The following ZNF148 variants were observed in gnomAD, a reference collection of about 807,000 sequenced individuals.
ZNF148 encodes Beta-Enolase Repressor Factor-1.
A neutral mutation model predicts 67.7 loss-of-function variants in ZNF148; 7 were observed. That is an observed-to-expected ratio of 0.10 (90% CI 0.06 to 0.19). The LOEUF is 0.19. Ranked by LOEUF, ZNF148 falls within the 10% of genes least tolerant of loss-of-function variation. The pLI, the probability that ZNF148 is intolerant of heterozygous loss-of-function variation, is 1.00. For synonymous variants in ZNF148, 333 were observed against 330.7 expected (o/e 1.01, Z -0.08); for missense variants, 583 against 947.1 (o/e 0.62, Z 5.05).
intron 1 of ZNF148, among the ~76,000 whole-genome samples, chr3:125,337,016 CAAAAA>C (rs1296364662): frequency 2.6e-5 from 3 of 115,374 alleles, no homozygotes; most frequent in African/African-American, 6.2e-5. Context: ...TCTACTCTCA[CAAAAA>C]AAAAAAAAAA....
chr3:125,361,944 A>T (rs1942556661), intron 1 of ZNF148, among the ~76,000 whole-genome samples: 1 of 152,098 alleles, frequency 6.6e-6, no homozygotes, highest in Admixed American at 6.5e-5. Flanking sequence ...CTTTACCTCC[A>T]CTTGGCTTTA....
At position 125,230,694 on chromosome 3, in the gene ZNF148, C is replaced by G. The variant is rs1459149306; in HGVS notation, c.*1647G>C. On this transcript the variant is annotated 3_prime_UTR_variant, in exon 9 of 9. Coordinates refer to ENST00000360647, the MANE Select transcript of ZNF148 (RefSeq NM_021964.3). The stretch of plus-strand genomic sequence containing the variant: ...CTATATTGAAACAAAGACTGCAGAG[C>G]TATAGGGCCAGTATAAGAGTCAAAA... 6.6e-6 allele frequency: 1 copy of G among 152,232 alleles called. No homozygotes were observed. The highest frequency in any genetic ancestry group is 1.5e-5 in the Non-Finnish European group (1 of 67,908). 9.4% of individuals were successfully genotyped at this position (152,232 alleles called of 1,614,324 possible). A position where few individuals can be genotyped will look rare whatever the true frequency, so the allele number is the denominator to read the frequency against.
chr3:125,269,658 C>T (rs754213642), intron 7 of ZNF148, among the ~76,000 whole-genome samples: 10 of 152,156 alleles, frequency 6.6e-5, no homozygotes, highest in Admixed American at 2.6e-4. Flanking sequence ...TGCACTCATA[C>T]GTTTATGGCA....
chr3:125,369,133 G>T (rs1270403470), intron 1 of ZNF148, among the ~76,000 whole-genome samples: 1 of 150,500 alleles, frequency 6.6e-6, no homozygotes. Flanking sequence ...GTGCTGGTGT[G>T]TGCCTCTAGT....
At position 125,310,833 on chromosome 3, in the gene ZNF148, G is replaced by A. The variant is rs949283001; in HGVS notation, c.333+2475C>T. The A allele has an allele frequency of 2.7e-4, 46 of 172,984 alleles. 1 individual carries two copies. The highest frequency in any genetic ancestry group is 7.7e-4 in the Middle Eastern group (1 of 1,302). The allele number at this position is 172,984 out of a possible 1,614,324, so 10.7% of individuals were successfully genotyped here. On this transcript the variant is annotated intron_variant, in intron 4 of 8. Transcript: ENST00000360647. ...TCAATATAGTTTGCACTACTAAAAT[G>A]GACACTTAAAAATTGTTGCTCTCTC... is the stretch of plus-strand genomic sequence containing the variant.
intron 7 of ZNF148, among the ~76,000 whole-genome samples, chr3:125,262,973 A>C (rs1937407253): frequency 6.6e-6 from 1 of 152,256 alleles, no homozygotes; most frequent in Non-Finnish European, 1.5e-5. Context: ...GTTCAACTAA[A>C]CTATTCTGTT....
chr3:125,373,382 C>T (rs577863554), intron 1 of ZNF148, among the ~76,000 whole-genome samples: 18 of 151,888 alleles, frequency 1.2e-4, no homozygotes, highest in East Asian at 1.2e-3. Flanking sequence ...TGAGCCACCG[C>T]GCCCAGCTGT....
intron 1 of ZNF148, among the ~76,000 whole-genome samples, chr3:125,348,700 G>A (rs1411592196): frequency 2.6e-5 from 4 of 152,122 alleles, no homozygotes; most frequent in African/African-American, 7.2e-5. Flanking sequence ...GATTCAATAC[G>A]ATCTCAATGA....
intron 4 of ZNF148, among the ~76,000 whole-genome samples, chr3:125,293,419 C>A (rs1316206051): frequency 6.6e-6 from 1 of 152,158 alleles, no homozygotes; most frequent in African/African-American, 2.4e-5. Flanking sequence ...CGACACCCAA[C>A]ACACCTAGCA....
At chr3:125,373,960 GC>G (rs1482653081) in intron 1 of ZNF148, among the ~76,000 whole-genome samples, 5 of 152,194 alleles carry the variant, frequency 3.3e-5, no homozygotes, top group Admixed American at 6.5e-5. Flanking sequence ...GATAAACTGG[GC>G]AGTGAAGAAA....
At chr3:125,321,137 G>A (rs149750450) in intron 3 of ZNF148, among the ~76,000 whole-genome samples, 1 of 152,118 alleles carries the variant, frequency 6.6e-6, no homozygotes, top group Non-Finnish European at 1.5e-5. Context: ...GACCTCTTCA[G>A]ATATACCTCT....
chr3:125,260,744 G>C (rs1299253875), intron 7 of ZNF148, among the ~76,000 whole-genome samples: 3 of 152,128 alleles, frequency 2.0e-5, no homozygotes, highest in Non-Finnish European at 4.4e-5. Flanking sequence ...AAAGCTTATT[G>C]TATGTAAATT....
chr3:125,328,966 C>T (rs1941147890), intron 2 of ZNF148, among the ~76,000 whole-genome samples: 1 of 149,806 alleles, frequency 6.7e-6, no homozygotes, highest in Non-Finnish European at 1.5e-5. Context: ...ATCTTTGGTC[C>T]AATAATTTTT....
chr3:125,228,841 T>C lies in ZNF148; in HGVS notation c.*3500A>G, dbSNP rs930203629. On this transcript the variant is annotated 3_prime_UTR_variant, in exon 9 of 9. Coordinates refer to ENST00000360647, the MANE Select transcript of ZNF148 (RefSeq NM_021964.3). Reference sequence around the variant, plus strand: ...TTGATGAACCATATTTACAGCATGGTATTGCATAAAAAAATAAAATAATGT... The same window carrying C: ...TTGATGAACCATATTTACAGCATGGCATTGCATAAAAAAATAAAATAATGT... 1 of 152,614 alleles carries C rather than the reference T, an allele frequency of 6.6e-6. No individual in the cohort carries two copies. The highest frequency in any genetic ancestry group is 1.5e-5 in the Non-Finnish European group (1 of 68,020). The allele number at this position is 152,614 out of a possible 1,614,324, so 9.5% of individuals were successfully genotyped here.
At chr3:125,288,294 TTA>T in intron 4 of ZNF148, 66 bp from the exon 5 acceptor site, 14 of 1,509,136 alleles carry the variant, frequency 9.3e-6, no homozygotes, top group Non-Finnish European at 1.2e-5. Context: ...AAAGGCCATT[TTA>T]TGTTTAATCC....
rs1193092512 is a variant in ZNF148 at position 125,228,835 on chromosome 3, G to A, written c.*3506C>T. Reference sequence around the variant, plus strand: ...CCTTATTTGATGAACCATATTTACAGCATGGTATTGCATAAAAAAATAAAA... The same window carrying A: ...CCTTATTTGATGAACCATATTTACAACATGGTATTGCATAAAAAAATAAAA... On this transcript the variant is annotated 3_prime_UTR_variant, in exon 9 of 9. Coordinates refer to ENST00000360647, the MANE Select transcript of ZNF148 (RefSeq NM_021964.3). 6.6e-6 allele frequency: 1 copy of A among 152,486 alleles called. No individual in the cohort carries two copies. Among genetic ancestry groups the A allele is most frequent in the Non-Finnish European group, 1.5e-5 (1 of 68,010 alleles). 9.4% of individuals were successfully genotyped at this position (152,486 alleles called of 1,614,324 possible). A position where few individuals can be genotyped will look rare whatever the true frequency, so the allele number is the denominator to read the frequency against.
chr3:125,299,576 G>A (rs1185821924), intron 4 of ZNF148, among the ~76,000 whole-genome samples: 1 of 152,160 alleles, frequency 6.6e-6, no homozygotes, highest in South Asian at 2.1e-4. Flanking sequence ...CTACTTAAGG[G>A]GGAAAAAAAG....
intron 3 of ZNF148, 28 bp from the exon 4 acceptor site, chr3:125,313,684 ATAGT>A: frequency 1.3e-6 from 2 of 1,542,480 alleles, no homozygotes; most frequent in Non-Finnish European, 1.8e-6. Context: ...GCAACAAAAC[ATAGT>A]AAATTAGTTT....
Position 125,257,304 on chromosome 3 carries a change from C to T in ZNF148, c.667+20422G>A, listed in dbSNP as rs141461971. 9.3e-3 allele frequency among the ~76,000 whole-genome samples: 1,419 copies of T among 152,142 alleles called. 15 individuals are homozygous for T. The highest frequency in any genetic ancestry group is 0.03 in the African/African-American group (1,239 of 41,516). ...CGGTGGCTCACGCCTGTAATCCCAG[C>T]ACTTTGGGAGGCCAAGGTGGGCAGA... is the stretch of plus-strand genomic sequence containing the variant. On this transcript the variant is annotated intron_variant, in intron 7 of 8. Transcript: ENST00000360647.
Sources: gnomAD v4.1 joint callset for allele counts (sites outside exome capture counted in the v4.1 genomes callset) on GRCh38, gnomAD v4.1.1 for gene constraint, MANE v1.5 for transcripts, NCBI Gene and HGNC (gene_info 2026-07-23, HGNC 2026-07-21) for gene names.